The following PCDH15 variants were observed in gnomAD, a reference collection of about 807,000 sequenced individuals.
PCDH15 encodes protocadherin-15.
In PCDH15, 129 loss-of-function variants were observed where a neutral mutation model predicts 178.5. That is an observed-to-expected ratio of 0.72 (90% CI 0.63 to 0.84). The LOEUF (loss-of-function observed/expected upper bound fraction) is 0.84. PCDH15 is among the 40% of genes least tolerant of loss of function. The probability of loss-of-function intolerance (pLI) is 0.00; values close to 1 mark genes in which losing one functional copy is unlikely to be tolerated. For missense variants in PCDH15, 2,230 were observed against 2,099.9 expected (o/e 1.06, Z -1.21); for synonymous variants, 800 against 732.0 (o/e 1.09, Z -1.50).
At chr10:55,553,317 C>G (rs1387703936) in intron 2 of PCDH15, among the ~76,000 whole-genome samples, 8 of 151,504 alleles carry the variant, frequency 5.3e-5, no homozygotes, top group Non-Finnish European at 4.4e-5. Context: ...CCATAAATAG[C>G]TGAATTATTG....
At chr10:54,020,461 T>G (rs61512737) in intron 19 of PCDH15, 45 bp from the exon 20 acceptor site, 1 of 1,571,940 alleles carries the variant, frequency 6.4e-7, no homozygotes, top group Middle Eastern at 1.7e-4. Context: ...GTTACCAAAA[T>G]AAAGAAATGC....
At chr10:55,610,077 A>G (rs1843333813) in intron 2 of PCDH15, among the ~76,000 whole-genome samples, 1 of 151,998 alleles carries the variant, frequency 6.6e-6, no homozygotes, top group Non-Finnish European at 1.5e-5. Flanking sequence ...AAGACCAAGC[A>G]CAACAACAAC....
intron 3 of PCDH15, among the ~76,000 whole-genome samples, chr10:54,843,565 TTTATA>T (rs1405364027): frequency 5.9e-5 from 9 of 152,114 alleles, no homozygotes; most frequent in Admixed American, 1.3e-4. Context: ...GCTTGTCGAC[TTTATA>T]TTCTGATAGT....
chr10:53,893,771 A>T (rs1589288532), intron 26 of PCDH15, among the ~76,000 whole-genome samples: 1 of 152,224 alleles, frequency 6.6e-6, no homozygotes, highest in Admixed American at 6.5e-5. Flanking sequence ...TAAGAATAAT[A>T]CAATGAATTT....
Position 54,043,569 on chromosome 10 carries a change from TG to T in PCDH15, c.2221-20373del, listed in dbSNP as rs1208183814. On this transcript the variant is annotated intron_variant, in intron 18 of 37. Coordinates refer to ENST00000644397, the MANE Select transcript of PCDH15 (RefSeq NM_001384140.1). The stretch of plus-strand genomic sequence containing the variant: ...TGCCTGGCTAATTTTTGTATTTTTT[TG>T]TACAGACAGAGATTTGCCATGTTGC... Among the ~76,000 whole-genome samples, 11 of 150,536 alleles carry T rather than the reference TG, an allele frequency of 7.3e-5. No individual in the cohort carries two copies. The East Asian group carries it at 2.1e-3, about 29-fold the overall frequency.
chr10:54,620,038 A>G (rs556418205), intron 2 of PCDH15, among the ~76,000 whole-genome samples: 1 of 152,216 alleles, frequency 6.6e-6, no homozygotes, highest in South Asian at 2.1e-4. Flanking sequence ...TAAAATTTAA[A>G]TGTCCACAAT....
intron 29 of PCDH15, among the ~76,000 whole-genome samples, chr10:53,835,019 T>C (rs1447726034): frequency 2.6e-5 from 4 of 152,196 alleles, no homozygotes; most frequent in Non-Finnish European, 5.9e-5. Flanking sequence ...TGTATAAGAT[T>C]TTTCTGCTTA....
chr10:55,504,230 C>G (rs981926369), intron 2 of PCDH15, among the ~76,000 whole-genome samples: 3 of 151,070 alleles, frequency 2.0e-5, no homozygotes, highest in Non-Finnish European at 4.4e-5. Context: ...TTAAAAGCAC[C>G]ACTCAGGTGA....
Position 54,153,253 on chromosome 10 carries a change from A to G in PCDH15, c.1631T>C (p.Ile544Thr). ...VDADEGSNGE[I>T]TYEILVGAQG... ...AGCCCCAACAAGGATTTCATATGTG[A>G]TCTCCCCATTTGACCCTTCGTCTGC... Residue 544 changes from isoleucine to threonine, a missense_variant, in exon 14 of 38, where the codon ATC becomes ACC. Physicochemically the swap from Ile to Thr is moderately conservative, Grantham distance 89 (BLOSUM62 -1). Transcript: ENST00000644397. The G allele has an allele frequency of 6.2e-7, 1 of 1,613,690 alleles. No homozygotes were observed. Among genetic ancestry groups the G allele is most frequent in the Non-Finnish European group, 8.5e-7 (1 of 1,179,856 alleles).
intron 6 of PCDH15, among the ~76,000 whole-genome samples, chr10:54,344,966 GTATATATATATATTA>G: frequency 7.3e-6 from 1 of 136,572 alleles, no homozygotes; most frequent in South Asian, 2.3e-4. Context: ...CTAATAAAAT[GTATATATATATATTA>G]TATATATATA....
rs16913799 is a variant in PCDH15, at chr10:53,907,978, G to C, written c.3374-4608C>G. Among the ~76,000 whole-genome samples, 842 of 152,098 alleles carry C rather than the reference G, an allele frequency of 5.5e-3. 6 individuals carry two copies. The highest frequency in any genetic ancestry group is 0.019 in the African/African-American group (797 of 41,494). ...ATGCTAGTTTTTTCTTTTTAGGAAG[G>C]CCCTATTATCCTCAAGATGAATCCA... On this transcript the variant is annotated intron_variant, in intron 25 of 37. Coordinates refer to ENST00000644397, the MANE Select transcript of PCDH15 (RefSeq NM_001384140.1).
At chr10:55,047,815 T>C (rs2131984417) in intron 2 of PCDH15, among the ~76,000 whole-genome samples, 1 of 151,964 alleles carries the variant, frequency 6.6e-6, no homozygotes, top group East Asian at 1.9e-4. Context: ...AGTTCCATAT[T>C]GAGGCTTCAT....
intron 2 of PCDH15, among the ~76,000 whole-genome samples, chr10:55,530,273 C>G (rs1197225443): frequency 6.6e-6 from 1 of 151,898 alleles, no homozygotes; most frequent in African/African-American, 2.4e-5. Flanking sequence ...AATTCTCTAA[C>G]CATCATTATT....
In PCDH15 at chr10:54,183,385, G is replaced by A. The variant is rs542256010; in HGVS notation, c.1590+59C>T. ...TAAGTAATTTCTTCATGAGCATATCGTATAATGCACATGTAAATAACAGCT... is the reference window on the plus strand; with the variant it reads ...TAAGTAATTTCTTCATGAGCATATCATATAATGCACATGTAAATAACAGCT... On this transcript the variant is annotated intron_variant, in intron 13 of 37. Coordinates refer to ENST00000644397, the MANE Select transcript of PCDH15 (RefSeq NM_001384140.1). The A allele has an allele frequency of 6.9e-5, 100 of 1,444,646 alleles. 1 individual carries two copies. The highest frequency in any genetic ancestry group is 1.8e-4 in the South Asian group (16 of 87,786). 89.5% of individuals were successfully genotyped at this position (1,444,646 alleles called of 1,614,324 possible). A position where few individuals can be genotyped will look rare whatever the true frequency, so the allele number is the denominator to read the frequency against.
At chr10:54,178,442 T>C (rs2047653979) in intron 13 of PCDH15, among the ~76,000 whole-genome samples, 1 of 152,042 alleles carries the variant, frequency 6.6e-6, no homozygotes, top group South Asian at 2.1e-4. Context: ...AACCTGGGGA[T>C]GTTAATAATG....
intron 3 of PCDH15, among the ~76,000 whole-genome samples, chr10:54,830,883 T>C (rs942346430): frequency 6.6e-6 from 1 of 151,926 alleles, no homozygotes; most frequent in Admixed American, 6.6e-5. Flanking sequence ...AGCAAATCAC[T>C]TGTCTGCTTT....
At chr10:54,420,204 C>T (rs1267865144) in intron 3 of PCDH15, among the ~76,000 whole-genome samples, 2 of 151,922 alleles carry the variant, frequency 1.3e-5, no homozygotes, top group Non-Finnish European at 2.9e-5. Context: ...TAATATGTTG[C>T]CCATAATGCT....
intron 21 of PCDH15, among the ~76,000 whole-genome samples, chr10:53,968,222 A>C (rs2089260495): frequency 6.6e-6 from 1 of 152,128 alleles, no homozygotes. Flanking sequence ...CCTGGCTCAG[A>C]GGGTCCCACA....
intron 3 of PCDH15, among the ~76,000 whole-genome samples, chr10:54,876,053 A>G (rs1216476071): frequency 6.6e-6 from 1 of 152,160 alleles, no homozygotes; most frequent in Non-Finnish European, 1.5e-5. Context: ...TTAGAAGCTA[A>G]TATAGCTTGT....
Sources: gnomAD v4.1 joint callset for allele counts (sites outside exome capture counted in the v4.1 genomes callset) on GRCh38, gnomAD v4.1.1 for gene constraint, MANE v1.5 for transcripts, NCBI Gene and HGNC (gene_info 2026-07-23, HGNC 2026-07-21) for gene names.